CNTNAP3: variants seen among roughly 807,000 people sequenced by gnomAD.
CNTNAP3 encodes the protein contactin-associated protein-like 3.
Under a neutral mutation model 92.1 loss-of-function variants are expected in CNTNAP3, and 36 were observed. The ratio of observed to expected loss-of-function variants is 0.39; its 90% CI spans 0.30 to 0.52. The LOEUF is 0.52. Ranked by LOEUF, CNTNAP3 falls within the 20% of genes least tolerant of loss-of-function variation. The pLI is 0.76. For synonymous variants in CNTNAP3, 232 were observed against 422.3 expected, an observed-to-expected ratio of 0.55 and a Z score of 5.53; for missense variants, 534 against 1,069.6, an observed-to-expected ratio of 0.50 and a Z score of 6.98.
At chr9:39,098,997 C>T (rs1382510414) in intron 18 of CNTNAP3, among the ~76,000 whole-genome samples, 3 of 149,928 alleles carry the variant, frequency 2.0e-5, no homozygotes, top group South Asian at 2.1e-4. Flanking sequence ...TTCCCCAAGA[C>T]GGAGTCTCAC....
intron 10 of CNTNAP3, among the ~76,000 whole-genome samples, chr9:39,148,624 C>T (rs1375938040): frequency 6.6e-6 from 1 of 151,240 alleles, no homozygotes; most frequent in Non-Finnish European, 1.5e-5. Context: ...CTCCACGGTT[C>T]ACGCCATTCT....
At chr9:39,089,887 TATTA>T (rs1438804875) in intron 18 of CNTNAP3, among the ~76,000 whole-genome samples, 3 of 152,208 alleles carry the variant, frequency 2.0e-5, no homozygotes, top group African/African-American at 7.2e-5. Flanking sequence ...AAGCTTTACC[TATTA>T]TTTAATTGGG....
chr9:39,144,992 T>C (rs574845604), intron 10 of CNTNAP3, among the ~76,000 whole-genome samples: 2 of 144,090 alleles, frequency 1.4e-5, no homozygotes, highest in Admixed American at 6.7e-5. Context: ...CATCCTAAAA[T>C]TCATAGGGAA....
At chr9:39,098,247 TTAATTTTA>T (rs1186799576) in intron 18 of CNTNAP3, among the ~76,000 whole-genome samples, 1 of 147,688 alleles carries the variant, frequency 6.8e-6, no homozygotes, top group Non-Finnish European at 1.5e-5. Flanking sequence ...GGTTGATATT[TTAATTTTA>T]TATCAAGTTA....
At chr9:39,108,365 G>A (rs1405893580) in intron 15 of CNTNAP3, among the ~76,000 whole-genome samples, 1 of 152,144 alleles carries the variant, frequency 6.6e-6, no homozygotes, top group Non-Finnish European at 1.5e-5. Context: ...TACAGAAACT[G>A]CTTGGTATTA....
chr9:39,103,454 T>C (rs1200941203), intron 16 of CNTNAP3, among the ~76,000 whole-genome samples: 3 of 151,920 alleles, frequency 2.0e-5, no homozygotes, highest in African/African-American at 7.3e-5. Flanking sequence ...CGGTGGTGCC[T>C]GCCTATAGTC....
chr9:39,069,460 A>T lies in CNTNAP3; in HGVS notation c.*4430T>A, dbSNP rs1457166508. On this transcript the variant is annotated 3_prime_UTR_variant, in exon 24 of 24. Transcript: ENST00000297668. ...TTCATATCGCAAAATCTAAAAGTTC[A>T]TCTTATGATTTTAAACATTTTTATT... is the stretch of plus-strand genomic sequence containing the variant. Among the ~76,000 whole-genome samples the T allele has an allele frequency of 6.6e-6, 1 of 152,312 alleles. No individual in the cohort carries two copies. Among genetic ancestry groups the T allele is most frequent in the South Asian group, 2.1e-4 (1 of 4,838 alleles).
chr9:39,137,500 G>C (rs891460827), intron 12 of CNTNAP3, among the ~76,000 whole-genome samples: 10 of 151,764 alleles, frequency 6.6e-5, no homozygotes, highest in Non-Finnish European at 1.3e-4. Flanking sequence ...TCTGACTCTG[G>C]TTTTTGTTTG....
In CNTNAP3 at chr9:39,118,353, G is replaced by C; in HGVS notation, c.2081-94C>G. On this transcript the variant is annotated intron_variant, in intron 13 of 23. Coordinates refer to ENST00000297668, the MANE Select transcript of CNTNAP3 (RefSeq NM_033655.5). ...CTTTACTCCCAGGTGTAAAGTGTAT[G>C]TGTGAGAGACAGAGAGAGAGAAAAT... 9 of 1,534,920 alleles carry C rather than the reference G, an allele frequency of 5.9e-6. No homozygotes were observed. In the South Asian group the frequency reaches 1.1e-4, roughly 18 times the overall value.
At chr9:39,075,652 A>G (rs1414994068) in intron 23 of CNTNAP3, among the ~76,000 whole-genome samples, 1 of 152,288 alleles carries the variant, frequency 6.6e-6, no homozygotes. Context: ...ATGTACAAAC[A>G]CACGTATTCC....
intron 13 of CNTNAP3, among the ~76,000 whole-genome samples, chr9:39,120,649 G>A (rs1045871871): frequency 2.6e-5 from 4 of 152,130 alleles, no homozygotes; most frequent in African/African-American, 7.2e-5. Flanking sequence ...CAACCTGGGC[G>A]ACAGAGTGAG....
rs764918762 is a variant in CNTNAP3, at chr9:39,078,727, C to G, written c.3636G>C (p.Pro1212=). The G allele has an allele frequency of 2.7e-6, 4 of 1,509,376 alleles. No homozygotes were observed. In the Admixed American group the frequency reaches 9.9e-5, roughly 37 times the overall value. The allele number at this position is 1,509,376 out of a possible 1,614,324, so 93.5% of individuals were successfully genotyped here. ...RCAAGAASGS[P]ARELAPRLAG... ...CGAGTCGGGGAGCCAGTTCCCGCGC[C>G]GGGGAGCCGGACGCCGCCCCCGCTG... Residue 1212 remains proline, a synonymous_variant, in exon 22 of 24, where the codon CCG becomes CCC. Coordinates refer to ENST00000297668, the MANE Select transcript of CNTNAP3 (RefSeq NM_033655.5).
intron 18 of CNTNAP3, among the ~76,000 whole-genome samples, chr9:39,093,673 A>T (rs1038781857): frequency 1.3e-5 from 2 of 151,528 alleles, no homozygotes; most frequent in African/African-American, 4.8e-5. Flanking sequence ...TTCTATGTCA[A>T]TTAATGTTGT....
At chr9:39,161,884 T>A in intron 9 of CNTNAP3, among the ~76,000 whole-genome samples, 3 of 104,926 alleles carry the variant, frequency 2.9e-5, no homozygotes, top group African/African-American at 8.0e-5. Flanking sequence ...ACTACAAAAA[T>A]CCTGGAAGAT....
rs200489668 is a variant in CNTNAP3 at position 39,135,886 on chromosome 9, T to C, written c.1877-2751A>G. On this transcript the variant is annotated intron_variant, in intron 12 of 23. Coordinates refer to ENST00000297668, the MANE Select transcript of CNTNAP3 (RefSeq NM_033655.5). The stretch of plus-strand genomic sequence containing the variant: ...GGCTCACGCCTGTAATCCCAGCACT[T>C]TGGGAGGCCGAGGCAGGCAGATTAC... Among the ~76,000 whole-genome samples, 13 of 152,122 alleles carry C rather than the reference T, an allele frequency of 8.5e-5. No homozygotes were observed. In the East Asian group the frequency reaches 2.3e-3, roughly 27 times the overall value.
At chr9:39,136,077 C>T (rs1172690374) in intron 12 of CNTNAP3, among the ~76,000 whole-genome samples, 3 of 151,116 alleles carry the variant, frequency 2.0e-5, no homozygotes, top group African/African-American at 7.3e-5. Context: ...TGCAGTGAGC[C>T]GAGATCGTGC....
At chr9:39,121,886 C>T (rs1022198808) in intron 13 of CNTNAP3, among the ~76,000 whole-genome samples, 1 of 152,080 alleles carries the variant, frequency 6.6e-6, no homozygotes. Flanking sequence ...TTCTAATCCC[C>T]CAAAAAGCTA....
chr9:39,114,991 AATC>A (rs578170152), intron 14 of CNTNAP3, among the ~76,000 whole-genome samples: 190 of 151,038 alleles, frequency 1.3e-3, no homozygotes, highest in African/African-American at 4.4e-3. Flanking sequence ...CAATATTTTA[AATC>A]ATTATAGTGC....
intron 18 of CNTNAP3, among the ~76,000 whole-genome samples, chr9:39,094,330 G>A (rs1826280404): frequency 6.6e-6 from 1 of 151,448 alleles, no homozygotes; most frequent in Non-Finnish European, 1.5e-5. Context: ...TCTCTTGATA[G>A]TGTTCTTTGA....
Sources: allele counts gnomAD v4.1 joint callset (sites outside exome capture counted in the v4.1 genomes callset), GRCh38; gene constraint gnomAD v4.1.1; transcripts MANE v1.5; gene names NCBI Gene and HGNC (gene_info 2026-07-23, HGNC 2026-07-21).